The following ENTPD5 variants were observed in gnomAD, a reference collection of about 807,000 sequenced individuals.
ENTPD5 encodes the protein ectonucleoside triphosphate diphosphohydrolase 5 (inactive), also known as nucleoside diphosphate phosphatase ENTPD5.
Under a neutral mutation model 60.2 loss-of-function variants are expected in ENTPD5, and 49 were observed. The ratio of observed to expected loss-of-function variants is 0.81; its 90% CI spans 0.65 to 1.03. ENTPD5 has a LOEUF of 1.03. Among genes scored for constraint, ENTPD5 ranks in the 50% least tolerant of loss-of-function variants. The pLI, the probability that ENTPD5 is intolerant of heterozygous loss-of-function variation, is 0.00. For missense variants in ENTPD5, 480 were observed against 507.6 expected, an observed-to-expected ratio of 0.95 and a Z score of 0.52; for synonymous variants, 187 against 185.4, an observed-to-expected ratio of 1.01 and a Z score of -0.07.
At chr14:73,981,762 G>GT (rs1429899976) in intron 6 of ENTPD5, among the ~76,000 whole-genome samples, 1 of 150,774 alleles carries the variant, frequency 6.6e-6, no homozygotes, top group Non-Finnish European at 1.5e-5. Flanking sequence ...AGCCAAGATC[G>GT]TGCCACTGCA....
rs183002333 is a variant in ENTPD5 at position 74,007,873 on chromosome 14, G to C, written c.-71+3218C>G. The C allele has an allele frequency of 1.7e-4, 25 of 142,956 alleles. No homozygotes were observed. In the East Asian group the frequency reaches 3.9e-3, roughly 22 times the overall value. 8.9% of individuals were successfully genotyped at this position (142,956 alleles called of 1,614,324 possible). On this transcript the variant is annotated intron_variant, in intron 3 of 15. Transcript: ENST00000334696. ...TGAGATGGAGTCTCACTCTGTCACT[G>C]AGGCTGGAGTGCACTGGTGTGATCT...
intron 6 of ENTPD5, among the ~76,000 whole-genome samples, chr14:73,981,523 G>T (rs771855320): frequency 1.3e-5 from 2 of 151,186 alleles, no homozygotes; most frequent in South Asian, 2.1e-4. Flanking sequence ...TTCACCAGGC[G>T]TGGTGGCTCA....
intron 3 of ENTPD5, among the ~76,000 whole-genome samples, chr14:73,988,863 G>A (rs972441767): frequency 8.6e-5 from 13 of 151,684 alleles, no homozygotes; most frequent in Admixed American, 3.3e-4. Flanking sequence ...TCACTCTGTC[G>A]CCCAGGCTGG....
At chr14:74,000,197 C>T (rs1220270844) in intron 3 of ENTPD5, among the ~76,000 whole-genome samples, 1 of 151,726 alleles carries the variant, frequency 6.6e-6, no homozygotes, top group African/African-American at 2.4e-5. Flanking sequence ...TGGCTCACGT[C>T]TGTAATCCTA....
chr14:74,007,262 C>T (rs535358394), intron 3 of ENTPD5, among the ~76,000 whole-genome samples: 7 of 152,258 alleles, frequency 4.6e-5, no homozygotes, highest in Non-Finnish European at 1.0e-4. Context: ...TGGCTCACGC[C>T]TGTAATCCCA....
chr14:73,986,011 G>A (rs2057887731), intron 5 of ENTPD5, among the ~76,000 whole-genome samples: 1 of 149,400 alleles, frequency 6.7e-6, no homozygotes, highest in Non-Finnish European at 1.5e-5. Context: ...GGCAGAGGTT[G>A]TAGTAAGCCG....
intron 3 of ENTPD5, among the ~76,000 whole-genome samples, chr14:74,005,834 TAAAC>T (rs1050515275): frequency 1.2e-4 from 18 of 151,770 alleles, no homozygotes; most frequent in Admixed American, 3.9e-4. Flanking sequence ...ACAAAACAAA[TAAAC>T]AAACAAAATG....
In ENTPD5 at chr14:73,968,273, G is replaced by A. The variant is rs1017536334; in HGVS notation, c.1201-1259C>T. On this transcript the variant is annotated intron_variant, in intron 15 of 15. Coordinates refer to ENST00000334696, the MANE Select transcript of ENTPD5 (RefSeq NM_001249.5). ...GAAGAGGATTAGATTAGTGTTTATCGGTTTATCAATTTGTTTTCTTCAGAA... is the reference window on the plus strand; with the variant it reads ...GAAGAGGATTAGATTAGTGTTTATCAGTTTATCAATTTGTTTTCTTCAGAA... Among the ~76,000 whole-genome samples the A allele has an allele frequency of 1.1e-4, 16 of 152,078 alleles. 1 individual carries two copies. Among genetic ancestry groups the A allele is most frequent in the East Asian group, 9.6e-4 (5 of 5,204 alleles).
intron 11 of ENTPD5, 21 bp downstream of exon 11, chr14:73,974,903 A>C (rs1438217138): frequency 6.2e-7 from 1 of 1,605,090 alleles, no homozygotes; most frequent in Non-Finnish European, 8.5e-7. Context: ...ATCCCCCCCC[A>C]GCACAGGTAC....
rs1288225850 is a variant in ENTPD5, at chr14:74,018,908, GATGCA to G, written c.-238+337_-238+341del. The G allele has an allele frequency of 3.3e-5, 5 of 152,696 alleles. 1 individual carries two copies. The East Asian group carries it at 7.7e-4, about 23-fold the overall frequency. The allele number at this position is 152,696 out of a possible 1,614,324, so 9.5% of individuals were successfully genotyped here. A position where few individuals can be genotyped will look rare whatever the true frequency, so the allele number is the denominator to read the frequency against. The stretch of plus-strand genomic sequence containing the variant: ...AGCAAGGGTGAAAAGCCAGGAAAGA[GATGCA>G]ACCCAAAGGAGTAAGGCAGTGCCGG... On this transcript the variant is annotated intron_variant, in intron 1 of 15. Coordinates refer to ENST00000334696, the MANE Select transcript of ENTPD5 (RefSeq NM_001249.5).
chr14:73,995,139 C>A (rs2058295107), intron 3 of ENTPD5, among the ~76,000 whole-genome samples: 1 of 151,604 alleles, frequency 6.6e-6, no homozygotes, highest in South Asian at 2.1e-4. Flanking sequence ...ACCTCCGCCT[C>A]CCGGGTTCAA....
At chr14:74,005,351 C>A (rs532378169) in intron 3 of ENTPD5, among the ~76,000 whole-genome samples, 3 of 46,856 alleles carry the variant, frequency 6.4e-5, no homozygotes, top group East Asian at 4.1e-3. Context: ...GGTGAGAGAG[C>A]AAGACTCGGT....
At chr14:73,960,339 C>T (rs2056657351), downstream of ENTPD5, 8 of 986,542 alleles carry the variant, frequency 8.1e-6, no homozygotes, top group Non-Finnish European at 9.6e-6. Flanking sequence ...ATTGTAGGTG[C>T]TCAACAAATA....
At chr14:74,005,991 C>G (rs542791900) in intron 3 of ENTPD5, among the ~76,000 whole-genome samples, 203 of 151,862 alleles carry the variant, frequency 1.3e-3, no homozygotes, top group Middle Eastern at 3.4e-3. Context: ...ATTTAAATAC[C>G]TTTTTGTTTT....
At chr14:73,979,698 C>G (rs1215696919) in intron 6 of ENTPD5, among the ~76,000 whole-genome samples, 7 of 152,106 alleles carry the variant, frequency 4.6e-5, no homozygotes, top group African/African-American at 1.7e-4. Flanking sequence ...GTCTCGATCT[C>G]CTAACCTCGT....
At chr14:74,012,634 C>T (rs1051681664) in intron 2 of ENTPD5, among the ~76,000 whole-genome samples, 5 of 152,048 alleles carry the variant, frequency 3.3e-5, no homozygotes, top group African/African-American at 7.2e-5. Context: ...CAAAAGGAAC[C>T]GGTGGGGATT....
chr14:74,002,285 C>T (rs1290976773), intron 3 of ENTPD5, among the ~76,000 whole-genome samples: 1 of 152,108 alleles, frequency 6.6e-6, no homozygotes, highest in Non-Finnish European at 1.5e-5. Context: ...GAAGGATTAT[C>T]TAACAGGGCT....
chr14:73,992,422 C>T (rs1353335509), intron 3 of ENTPD5, among the ~76,000 whole-genome samples: 2 of 152,056 alleles, frequency 1.3e-5, no homozygotes, highest in Non-Finnish European at 2.9e-5. Context: ...TGGTGGCTCA[C>T]GCCTATAATC....
chr14:73,977,264 T>C (rs757760464), intron 7 of ENTPD5, 35 bp downstream of exon 7: 1 of 1,535,366 alleles, frequency 6.5e-7, no homozygotes, highest in Non-Finnish European at 9.0e-7. Context: ...ATCCTGCCCC[T>C]CTCCCCCTGG....
Sources: allele counts gnomAD v4.1 joint callset (sites outside exome capture counted in the v4.1 genomes callset), GRCh38; gene constraint gnomAD v4.1.1; transcripts MANE v1.5; gene names NCBI Gene and HGNC (gene_info 2026-07-23, HGNC 2026-07-21).